CNOT4: variants seen among roughly 807,000 people sequenced by gnomAD.
CNOT4 encodes the protein CCR4-NOT transcription complex subunit 4.
Under a neutral mutation model 73.8 loss-of-function variants are expected in CNOT4, and 8 were observed. The observed-to-expected ratio is 0.11, with a 90% CI of 0.06 to 0.20. The LOEUF (loss-of-function observed/expected upper bound fraction) is 0.20. CNOT4 is among the 10% of genes least tolerant of loss of function. The pLI is 1.00. For missense variants in CNOT4, 564 were observed against 883.4 expected, an observed-to-expected ratio of 0.64 and a Z score of 4.58; for synonymous variants, 293 against 321.1, an observed-to-expected ratio of 0.91 and a Z score of 0.94.
At chr7:135,459,238 C>T (rs540743160) in intron 1 of CNOT4, among the ~76,000 whole-genome samples, 2 of 151,976 alleles carry the variant, frequency 1.3e-5, no homozygotes, top group Non-Finnish European at 2.9e-5. Flanking sequence ...GTCTCAACAG[C>T]GGGCTTAACG....
intron 1 of CNOT4, among the ~76,000 whole-genome samples, chr7:135,483,337 C>CAAA (rs113026088): frequency 3.6e-5 from 5 of 139,946 alleles, no homozygotes; most frequent in African/African-American, 1.3e-4. Flanking sequence ...GACTTTGTCT[C>CAAA]AAAAAAAAAA....
In CNOT4 at chr7:135,483,387, A is replaced by T. The variant is rs191507502; in HGVS notation, c.-93+26502T>A. ...ATATATTAAAAAATTACAAACCACA[A>T]CCAAATGGGATTTATTCCAGGTATG... On this transcript the variant is annotated intron_variant, in intron 1 of 11. Transcript: ENST00000541284. 4.0e-3 allele frequency among the ~76,000 whole-genome samples: 611 copies of T among 152,070 alleles called. 4 individuals carry two copies. Among genetic ancestry groups the T allele is most frequent in the African/African-American group, 0.014 (583 of 41,506 alleles).
chr7:135,473,674 GAGA>G (rs1333073833), intron 1 of CNOT4, among the ~76,000 whole-genome samples: 3 of 152,170 alleles, frequency 2.0e-5, no homozygotes, highest in African/African-American at 7.2e-5. Context: ...TTGAGGCCAG[GAGA>G]AGGAGGCCGC....
intron 10 of CNOT4, among the ~76,000 whole-genome samples, chr7:135,392,351 C>A (rs1585574163): frequency 6.6e-6 from 1 of 152,078 alleles, no homozygotes; most frequent in East Asian, 1.9e-4. Context: ...AAATAGAAAC[C>A]CTCATATTCA....
intron 1 of CNOT4, among the ~76,000 whole-genome samples, chr7:135,444,166 A>AATG (rs1372687924): frequency 1.3e-5 from 2 of 151,744 alleles, no homozygotes; most frequent in African/African-American, 4.8e-5. Flanking sequence ...TAATAATAAT[A>AATG]ATAATAATAC....
At chr7:135,421,733 C>G (rs529379063) in intron 3 of CNOT4, among the ~76,000 whole-genome samples, 113 of 152,216 alleles carry the variant, frequency 7.4e-4, no homozygotes, top group South Asian at 3.1e-3. Flanking sequence ...ACTACTTGGG[C>G]AGAATTTTTA....
At chr7:135,460,902 T>C (rs1800836088) in intron 1 of CNOT4, among the ~76,000 whole-genome samples, 1 of 152,246 alleles carries the variant, frequency 6.6e-6, no homozygotes, top group Non-Finnish European at 1.5e-5. Flanking sequence ...AACAAATTTT[T>C]TTCTGCAAGG....
chr7:135,453,822 TA>T (rs1419582707), intron 1 of CNOT4, among the ~76,000 whole-genome samples: 4 of 87,828 alleles, frequency 4.6e-5, no homozygotes, highest in African/African-American at 1.2e-4. Context: ...TAAATATATA[TA>T]TTTTATATAT....
In CNOT4 at chr7:135,441,174, G is replaced by A. The variant is rs552897373; in HGVS notation, c.-92-2751C>T. Among the ~76,000 whole-genome samples the A allele has an allele frequency of 1.3e-4, 20 of 151,828 alleles. No individual in the cohort carries two copies. The South Asian group carries it at 3.9e-3, about 30-fold the overall frequency. On this transcript the variant is annotated intron_variant, in intron 1 of 11. Transcript: ENST00000541284. ...ACCAAAATGTTGTTATTTCACAAAA[G>A]ACAAAACGGAGGTAGGAGACTACTA...
At chr7:135,407,482 C>G (rs1797356040) in intron 7 of CNOT4, among the ~76,000 whole-genome samples, 1 of 152,060 alleles carries the variant, frequency 6.6e-6, no homozygotes, top group Non-Finnish European at 1.5e-5. Flanking sequence ...GTAAATAAAA[C>G]ACTAGAGACA....
intron 10 of CNOT4, chr7:135,388,297 T>A: frequency 1.0e-6 from 1 of 984,996 alleles, no homozygotes; most frequent in Non-Finnish European, 1.2e-6. Context: ...GCCAACAATA[T>A]CCTTCTGAGC....
chr7:135,416,686 G>A (rs1259067719), intron 3 of CNOT4, among the ~76,000 whole-genome samples: 1 of 152,176 alleles, frequency 6.6e-6, no homozygotes, highest in Non-Finnish European at 1.5e-5. Flanking sequence ...GTTCAGTCAG[G>A]CCGGTCACAG....
intron 10 of CNOT4, among the ~76,000 whole-genome samples, chr7:135,390,653 C>A (rs1796353449): frequency 6.6e-6 from 1 of 152,060 alleles, no homozygotes; most frequent in African/African-American, 2.4e-5. Flanking sequence ...TTCTGTCAAA[C>A]CTCTGGCAAC....
At chr7:135,509,040 T>G (rs1804557469) in intron 1 of CNOT4, 1 of 152,204 alleles carries the variant, frequency 6.6e-6, no homozygotes, top group South Asian at 2.1e-4. Flanking sequence ...GAATAAAAGA[T>G]CTTCACTCAT....
intron 10 of CNOT4, among the ~76,000 whole-genome samples, chr7:135,369,744 C>A (rs186214171): frequency 1.3e-4 from 20 of 152,326 alleles, no homozygotes; most frequent in African/African-American, 4.8e-4. Context: ...TGCCCCCACA[C>A]CCCTCCCTCT....
chr7:135,399,487 T>G (rs1796889690), intron 7 of CNOT4, among the ~76,000 whole-genome samples: 1 of 152,130 alleles, frequency 6.6e-6, no homozygotes, highest in African/African-American at 2.4e-5. Flanking sequence ...GTCCAGCCAT[T>G]GTTGACCAAA....
At chr7:135,430,121 C>G (rs745864744) in intron 2 of CNOT4, among the ~76,000 whole-genome samples, 5 of 152,184 alleles carry the variant, frequency 3.3e-5, no homozygotes, top group Admixed American at 1.3e-4. Flanking sequence ...ACCAATGACA[C>G]GCAAACTCTT....
At position 135,394,247 on chromosome 7, in the gene CNOT4, G is replaced by A; in HGVS notation, c.1298C>T (p.Pro433Leu). 6.2e-7 allele frequency: 1 copy of A among 1,614,140 alleles called. No individual in the cohort carries two copies. Among genetic ancestry groups the A allele is most frequent in the Non-Finnish European group, 8.5e-7 (1 of 1,180,012 alleles). ...LSVQDQPSLSPTSLQNSSSHT... is the reference protein window; with the variant it reads ...LSVQDQPSLSLTSLQNSSSHT... ...TGAAGAGGAGTTCTGAAGAGATGTG[G>A]GCGAAAGGGAAGGTTGGTCTTGAAC... is the stretch of plus-strand genomic sequence containing the variant. The change falls in exon 10 of 12, where the codon CCC (proline) becomes CTC (leucine). Residue 433 changes from proline to leucine, a missense_variant. Pro to Leu is a moderately conservative substitution (Grantham distance 98). This residue lies in a region of CNOT4 where 153 missense variants were observed against 158.7 expected (regional missense o/e 0.96). Transcript: ENST00000541284.
At chr7:135,426,014 C>A (rs186014721) in intron 2 of CNOT4, among the ~76,000 whole-genome samples, 21 of 151,702 alleles carry the variant, frequency 1.4e-4, no homozygotes, top group Admixed American at 1.4e-3. Flanking sequence ...GATTGCAAGA[C>A]AGCCTGAGCA....
Sources: allele counts gnomAD v4.1 joint callset (sites outside exome capture counted in the v4.1 genomes callset), GRCh38; gene constraint gnomAD v4.1.1; regional missense constraint gnomAD v4.1.1; transcripts MANE v1.5; gene names NCBI Gene and HGNC (gene_info 2026-07-23, HGNC 2026-07-21).